Variants in CACNA1A observed in about 807,000 individuals in gnomAD.
CACNA1A encodes calcium voltage-gated channel subunit alpha1 A.
In CACNA1A, 57 loss-of-function variants were observed where a neutral mutation model predicts 262.4. The observed-to-expected ratio is 0.22, with a 90% CI of 0.18 to 0.27. CACNA1A has a LOEUF of 0.27. Among genes scored for constraint, CACNA1A ranks in the 10% least tolerant of loss-of-function variants. The pLI, the probability that CACNA1A is intolerant of heterozygous loss-of-function variation, is 1.00. For missense variants in CACNA1A, 2,526 were observed against 3,562.8 expected (o/e 0.71, Z 7.41); for synonymous variants, 1,431 against 1,419.3 (o/e 1.01, Z -0.18).
chr19:13,232,770 C>CG (rs970789164), intron 34 of CACNA1A, among the ~76,000 whole-genome samples: 7 of 144,288 alleles, frequency 4.9e-5, no homozygotes, highest in Non-Finnish European at 1.1e-4. Context: ...CCCTTCAGGC[C>CG]GGGTGCAGTG....
intron 1 of CACNA1A, among the ~76,000 whole-genome samples, chr19:13,469,248 G>A (rs1035312033): frequency 4.6e-5 from 7 of 152,176 alleles, no homozygotes; most frequent in Non-Finnish European, 7.3e-5. Context: ...CTAAGACTCC[G>A]ACGGAACCTG....
At chr19:13,319,261 A>T (rs937235675) in intron 10 of CACNA1A, among the ~76,000 whole-genome samples, 1 of 152,166 alleles carries the variant, frequency 6.6e-6, no homozygotes, top group African/African-American at 2.4e-5. Flanking sequence ...TGATTGATTC[A>T]TTCATTAGTA....
intron 15 of CACNA1A, among the ~76,000 whole-genome samples, 169 bp from the exon 16 acceptor site, chr19:13,304,053 T>C (rs1459088608): frequency 2.6e-5 from 4 of 152,072 alleles, no homozygotes; most frequent in African/African-American, 9.7e-5. Context: ...TCCTTGGCTT[T>C]TCTCTTTGTT....
intron 3 of CACNA1A, among the ~76,000 whole-genome samples, chr19:13,375,823 G>A (rs1405885713): frequency 6.6e-6 from 1 of 152,060 alleles, no homozygotes; most frequent in Non-Finnish European, 1.5e-5. Context: ...AAGGCCATAA[G>A]CTAGAGGTTA....
chr19:13,397,143 G>A (rs2059824069), intron 3 of CACNA1A, among the ~76,000 whole-genome samples: 3 of 152,168 alleles, frequency 2.0e-5, no homozygotes, highest in Admixed American at 2.0e-4. Flanking sequence ...AGGAATGAAT[G>A]GTTCATGAAA....
At chr19:13,449,900 G>C (rs1444530656) in intron 3 of CACNA1A, among the ~76,000 whole-genome samples, 3 of 152,102 alleles carry the variant, frequency 2.0e-5, no homozygotes, top group African/African-American at 7.2e-5. Flanking sequence ...CAGCACTTTG[G>C]GAGGCCATGC....
chr19:13,316,775 G>T (rs139718249), intron 11 of CACNA1A: 13 of 209,868 alleles, frequency 6.2e-5, no homozygotes, highest in African/African-American at 2.5e-4. Flanking sequence ...GTATGTTTCT[G>T]TTTCTATCTG....
intron 38 of CACNA1A, among the ~76,000 whole-genome samples, chr19:13,220,486 G>A (rs915248426): frequency 2.6e-5 from 4 of 152,122 alleles, no homozygotes; most frequent in Non-Finnish European, 1.5e-5. Flanking sequence ...CAGCCACAAG[G>A]ACTTCAATTC....
chr19:13,329,610 T>G (rs919441591), intron 10 of CACNA1A, among the ~76,000 whole-genome samples: 1 of 148,942 alleles, frequency 6.7e-6, no homozygotes, highest in African/African-American at 2.5e-5. Context: ...CGCCTCAGCC[T>G]CCAGAGTAGC....
intron 30 of CACNA1A, among the ~76,000 whole-genome samples, chr19:13,248,188 T>C (rs1481545884): frequency 2.0e-5 from 3 of 151,976 alleles, no homozygotes; most frequent in African/African-American, 7.2e-5. Flanking sequence ...AAAGACAACT[T>C]TATAGGCGTT....
At chr19:13,337,199 TAAAC>T (rs1327533058) in intron 6 of CACNA1A, among the ~76,000 whole-genome samples, 1 of 152,208 alleles carries the variant, frequency 6.6e-6, no homozygotes, top group African/African-American at 2.4e-5. Flanking sequence ...CTAGGTGGCT[TAAAC>T]AACAAAGATT....
At chr19:13,503,679 C>T (rs1982664777) in intron 1 of CACNA1A, among the ~76,000 whole-genome samples, 3 of 125,856 alleles carry the variant, frequency 2.4e-5, no homozygotes, top group Non-Finnish European at 3.2e-5. Flanking sequence ...ACAGAGAAAG[C>T]TCAGTCCTGG....
chr19:13,277,255 C>G, intron 22 of CACNA1A, 127 bp from the exon 23 acceptor site: 2 of 643,744 alleles, frequency 3.1e-6, no homozygotes, highest in Non-Finnish European at 5.6e-6. Context: ...CTGCTATATA[C>G]AGTTGCGCAG....
At chr19:13,240,187 T>C (rs1257953365) in intron 31 of CACNA1A, among the ~76,000 whole-genome samples, 2 of 146,612 alleles carry the variant, frequency 1.4e-5, no homozygotes, top group Non-Finnish European at 3.0e-5. Context: ...AGAGAGAGAA[T>C]TGGAGAATGA....
At chr19:13,422,031 G>T (rs7247646) in intron 3 of CACNA1A, among the ~76,000 whole-genome samples, 15,239 of 152,148 alleles carry the variant, frequency 0.1, 2,492 homozygotes, top group African/African-American at 0.34. Context: ...TCCTTAAAAA[G>T]TTCAATGGGC....
chr19:13,303,397 C>T, intron 17 of CACNA1A, 149 bp downstream of exon 17: 1 of 599,830 alleles, frequency 1.7e-6, no homozygotes, highest in East Asian at 2.8e-5. Context: ...GGGAGAGGCG[C>T]CTTCTCTTTG....
chr19:13,460,296 G>A (rs1235016943), intron 1 of CACNA1A, among the ~76,000 whole-genome samples: 2 of 152,140 alleles, frequency 1.3e-5, no homozygotes, highest in Non-Finnish European at 2.9e-5. Context: ...TCAGGGATAG[G>A]AGGAGGAGCT....
intron 2 of CACNA1A, among the ~76,000 whole-genome samples, chr19:13,454,823 C>T (rs1230599672): frequency 6.6e-6 from 1 of 152,074 alleles, no homozygotes; most frequent in African/African-American, 2.4e-5. Flanking sequence ...ATTAACTGGG[C>T]ATGGTGGCAC....
intron 1 of CACNA1A, among the ~76,000 whole-genome samples, chr19:13,475,863 G>T (rs1978465612): frequency 6.6e-6 from 1 of 152,152 alleles, no homozygotes; most frequent in Non-Finnish European, 1.5e-5. Context: ...AATTAAAGGA[G>T]TTTCATCTTT....
Sources: allele counts gnomAD v4.1 joint callset (sites outside exome capture counted in the v4.1 genomes callset), GRCh38; gene constraint gnomAD v4.1.1; transcripts MANE v1.5; gene names NCBI Gene and HGNC (gene_info 2026-07-23, HGNC 2026-07-21).